Variants in CFAP20DC observed in about 807,000 individuals in gnomAD.
CFAP20DC encodes CFAP20 domain containing, also known as protein CFAP20DC.
In CFAP20DC, 84 loss-of-function variants were observed where a neutral mutation model predicts 101.7. That is an observed-to-expected ratio of 0.83 (90% CI 0.69 to 0.99). The LOEUF (loss-of-function observed/expected upper bound fraction) is 0.99, where lower values mean the gene tolerates loss of function less well. Among genes scored for constraint, CFAP20DC ranks in the 50% least tolerant of loss-of-function variants. The pLI is 0.00. For synonymous variants in CFAP20DC, 359 were observed against 351.2 expected (o/e 1.02, Z -0.25); for missense variants, 1,007 against 970.3 (o/e 1.04, Z -0.50).
chr3:58,827,166 A>T (rs2076095148), intron 14 of CFAP20DC, among the ~76,000 whole-genome samples: 1 of 152,124 alleles, frequency 6.6e-6, no homozygotes, highest in Non-Finnish European at 1.5e-5. Context: ...CTGGTGGGGG[A>T]CACTGATAAT....
intron 15 of CFAP20DC, among the ~76,000 whole-genome samples, chr3:58,770,891 T>C (rs1047354471): frequency 1.3e-5 from 2 of 152,154 alleles, no homozygotes; most frequent in African/African-American, 4.8e-5. Flanking sequence ...AGAATAGTGT[T>C]ATTGTGGGAA....
chr3:58,990,754 G>GGT (rs71091398), intron 4 of CFAP20DC, among the ~76,000 whole-genome samples: 26,328 of 143,870 alleles, frequency 0.18, 2,442 homozygotes, highest in Admixed American at 0.24. Context: ...ATGCTCAGCT[G>GGT]GTGTGTGTGT....
intron 12 of CFAP20DC, among the ~76,000 whole-genome samples, chr3:58,857,672 A>G (rs1372078980): frequency 6.6e-6 from 1 of 152,188 alleles, no homozygotes; most frequent in Admixed American, 6.5e-5. Context: ...CAGATTCTGA[A>G]AGAGAAACTG....
chr3:58,979,258 T>C (rs566141298), intron 4 of CFAP20DC, among the ~76,000 whole-genome samples: 8 of 152,342 alleles, frequency 5.3e-5, no homozygotes, highest in African/African-American at 1.9e-4. Context: ...TAGCCTGTAG[T>C]ACTTGGGGCA....
In CFAP20DC at chr3:58,912,387, C is replaced by T. The variant is rs1188283415; in HGVS notation, c.550+1321G>A. Among the ~76,000 whole-genome samples, 2 of 152,112 alleles carry T rather than the reference C, an allele frequency of 1.3e-5. No individual in the cohort carries two copies. The highest frequency in any genetic ancestry group is 3.2e-3 in the Middle Eastern group (1 of 316). ...GTAAGTGGGTACATAAGATGAGCAG[C>T]CACACTGTGGTGTGTGATCTCTTTG... On this transcript the variant is annotated intron_variant, in intron 6 of 16. Transcript: ENST00000482387. This position sits in a 1 kb window ranked among gnomAD's most constrained non-coding sequence, Gnocchi z 4.4.
intron 5 of CFAP20DC, among the ~76,000 whole-genome samples, chr3:58,922,135 TA>T (rs1285434846): frequency 6.6e-6 from 1 of 152,242 alleles, no homozygotes; most frequent in Non-Finnish European, 1.5e-5. Flanking sequence ...CCCTTGCTTT[TA>T]ATTCAACCTA....
intron 13 of CFAP20DC, among the ~76,000 whole-genome samples, chr3:58,846,795 T>C (rs1284008511): frequency 0.017 from 2,480 of 146,202 alleles, 30 homozygotes; most frequent in Non-Finnish European, 0.026. Context: ...CAAAACAGCA[T>C]GGTACTGGTA....
rs2067521513 is a variant in CFAP20DC at position 58,724,567 on chromosome 3, G to C, written c.198-6939C>G. 6.6e-6 allele frequency among the ~76,000 whole-genome samples: 1 copy of C among 152,188 alleles called. No individual in the cohort carries two copies. On this transcript the variant is annotated intron_variant, in intron 3 of 3. Transcript: ENST00000486145. This position sits in a 1 kb window ranked among gnomAD's most constrained non-coding sequence, Gnocchi z 5.6. ...AGATATGCTGTTTGAGCACAAAGGAGATTCGTTTAAATCACTCTTGCTACA... is the reference window on the plus strand; with the variant it reads ...AGATATGCTGTTTGAGCACAAAGGACATTCGTTTAAATCACTCTTGCTACA...
At chr3:58,809,526 C>A (rs945996042) in intron 14 of CFAP20DC, among the ~76,000 whole-genome samples, 1 of 151,510 alleles carries the variant, frequency 6.6e-6, no homozygotes, top group African/African-American at 2.4e-5. Flanking sequence ...CATAACATAC[C>A]AGAATCTCTG....
intron 14 of CFAP20DC, among the ~76,000 whole-genome samples, chr3:58,821,289 C>G (rs1331751523): frequency 2.6e-5 from 4 of 152,172 alleles, no homozygotes; most frequent in Non-Finnish European, 4.4e-5. Flanking sequence ...ACAAAATTGA[C>G]AAATGGGATC....
intron 7 of CFAP20DC, among the ~76,000 whole-genome samples, chr3:58,880,774 G>T (rs1451095130): frequency 6.6e-6 from 1 of 151,964 alleles, no homozygotes; most frequent in Non-Finnish European, 1.5e-5. Flanking sequence ...TTTGACAAAA[G>T]AATGTGACTA....
intron 4 of CFAP20DC, among the ~76,000 whole-genome samples, chr3:58,962,512 C>T (rs528471252): frequency 6.6e-6 from 1 of 152,298 alleles, no homozygotes; most frequent in African/African-American, 2.4e-5. Flanking sequence ...CACAAATTCT[C>T]TGTTCAGTAT....
intron 4 of CFAP20DC, among the ~76,000 whole-genome samples, chr3:58,986,763 TA>T (rs1185185322): frequency 3.3e-5 from 5 of 152,004 alleles, no homozygotes; most frequent in African/African-American, 1.2e-4. Context: ...AAAGCTTTTC[TA>T]GGGGGACATA....
rs1446556238 is a variant in CFAP20DC, at chr3:58,722,710, A to G, written c.198-5082T>C. Among the ~76,000 whole-genome samples the G allele has an allele frequency of 6.6e-6, 1 of 151,886 alleles. No homozygotes were observed. Among genetic ancestry groups the G allele is most frequent in the African/African-American group, 2.4e-5 (1 of 41,190 alleles). On this transcript the variant is annotated intron_variant, in intron 3 of 3. Transcript: ENST00000486145. This position sits in a 1 kb window ranked among gnomAD's most constrained non-coding sequence, Gnocchi z 4.5. ...GATTTTCTGCCCGAGTCCTTATTTAATTGTTATTTTGGGATCAGTTGCTTT... is the reference window on the plus strand; with the variant it reads ...GATTTTCTGCCCGAGTCCTTATTTAGTTGTTATTTTGGGATCAGTTGCTTT...
intron 4 of CFAP20DC, among the ~76,000 whole-genome samples, chr3:59,011,833 T>G (rs1481381774): frequency 1.3e-5 from 2 of 152,156 alleles, no homozygotes; most frequent in Non-Finnish European, 2.9e-5. Context: ...TGTTAGGTAA[T>G]TGATGAAGAT....
intron 4 of CFAP20DC, among the ~76,000 whole-genome samples, chr3:58,979,134 G>A (rs979784180): frequency 6.6e-6 from 1 of 152,146 alleles, no homozygotes; most frequent in Non-Finnish European, 1.5e-5. Context: ...GTCAAGCAAA[G>A]AGAATCACAA....
chr3:58,850,969 G>A (rs2078175581), intron 12 of CFAP20DC, among the ~76,000 whole-genome samples: 1 of 152,172 alleles, frequency 6.6e-6, no homozygotes, highest in Non-Finnish European at 1.5e-5. Context: ...ATGGGTAAAG[G>A]TGAGAGGGTT....
chr3:59,008,704 C>T (rs2093501534), intron 4 of CFAP20DC, among the ~76,000 whole-genome samples: 1 of 149,932 alleles, frequency 6.7e-6, no homozygotes, highest in Non-Finnish European at 1.5e-5. Context: ...ACTTCGGGGA[C>T]TGTTGTGGGG....
At chr3:59,048,488 G>T (rs1211423939) in intron 1 of CFAP20DC, among the ~76,000 whole-genome samples, 3 of 152,118 alleles carry the variant, frequency 2.0e-5, no homozygotes, top group Non-Finnish European at 4.4e-5. Flanking sequence ...CTCATACTCG[G>T]TGAGACGGCA....
Sources: gnomAD v4.1 joint callset for allele counts (sites outside exome capture counted in the v4.1 genomes callset) on GRCh38, gnomAD v4.1.1 for gene constraint, Gnocchi (gnomAD v3.1) non-coding constraint, MANE v1.5 for transcripts, NCBI Gene and HGNC (gene_info 2026-07-23, HGNC 2026-07-21) for gene names.